The following ZFR variants were observed in gnomAD, a reference collection of about 807,000 sequenced individuals.
The protein encoded by ZFR is zinc finger RNA-binding protein.
ZFR carries 19 observed loss-of-function variants against 130.7 expected under a neutral mutation model. The ratio of observed to expected loss-of-function variants is 0.15; its 90% CI spans 0.10 to 0.21. The LOEUF (loss-of-function observed/expected upper bound fraction) is 0.21. Among genes scored for constraint, ZFR ranks in the 10% least tolerant of loss-of-function variants. The pLI is 1.00. For synonymous variants in ZFR, 466 were observed against 456.9 expected (o/e 1.02, Z -0.25); for missense variants, 872 against 1,321.5 (o/e 0.66, Z 5.27).
chr5:32,356,897 T>C (rs985311150), intron 19 of ZFR, among the ~76,000 whole-genome samples: 2 of 152,216 alleles, frequency 1.3e-5, no homozygotes, highest in African/African-American at 4.8e-5. Flanking sequence ...ATATATCCAC[T>C]AGTAATATGT....
chr5:32,441,120 C>T (rs1259322452), intron 2 of ZFR, among the ~76,000 whole-genome samples: 1 of 152,080 alleles, frequency 6.6e-6, no homozygotes, highest in Admixed American at 6.6e-5. Context: ...ATTACAGGTG[C>T]CCGCCACCAT....
chr5:32,394,854 A>G (rs1161692989), intron 11 of ZFR, among the ~76,000 whole-genome samples: 4 of 152,184 alleles, frequency 2.6e-5, no homozygotes, highest in African/African-American at 9.7e-5. Context: ...CAGGAAATGT[A>G]TGTCTATTTT....
chr5:32,383,583 A>C (rs1752978742), intron 15 of ZFR, among the ~76,000 whole-genome samples: 1 of 152,224 alleles, frequency 6.6e-6, no homozygotes, highest in Non-Finnish European at 1.5e-5. Context: ...ATTAAAAAGG[A>C]CCATTATGCA....
intron 12 of ZFR, among the ~76,000 whole-genome samples, chr5:32,389,132 A>T (rs1219498778): frequency 6.6e-6 from 1 of 152,190 alleles, no homozygotes; most frequent in African/African-American, 2.4e-5. Context: ...CTTACACAAG[A>T]TGTCCCTTTT....
Position 32,406,758 on chromosome 5 carries a change from C to T in ZFR, c.1032+16G>A. ...TAACCACTGAAGACTCAAGGTAAAA[C>T]ATACAACGTAAGTACCTGTGGTCCA... On this transcript the variant is annotated intron_variant, in intron 6 of 19. Coordinates refer to ENST00000265069, the MANE Select transcript of ZFR (RefSeq NM_016107.5). The T allele has an allele frequency of 6.3e-7, 1 of 1,599,910 alleles. No homozygotes were observed. The highest frequency in any genetic ancestry group is 1.1e-5 in the South Asian group (1 of 87,964).
At chr5:32,415,358 G>C (rs1295040787) in intron 4 of ZFR, among the ~76,000 whole-genome samples, 171 bp from the exon 5 acceptor site, 2 of 152,064 alleles carry the variant, frequency 1.3e-5, no homozygotes, top group South Asian at 2.1e-4. Context: ...AATATGAATA[G>C]AATATACAAA....
intron 10 of ZFR, among the ~76,000 whole-genome samples, chr5:32,395,915 T>C (rs1035521910): frequency 6.6e-6 from 1 of 152,158 alleles, no homozygotes; most frequent in Non-Finnish European, 1.5e-5. Context: ...CTTCTGGTCA[T>C]TAGTAGGCTT....
chr5:32,419,759 A>C, intron 3 of ZFR, 62 bp downstream of exon 3: 1 of 1,524,270 alleles, frequency 6.6e-7, no homozygotes, highest in Non-Finnish European at 8.8e-7. Context: ...AGGGCATTAC[A>C]TTATACACTG....
chr5:32,415,499 TGTGTGTGTGTGTGTGTGCGC>T (rs1446925568), intron 4 of ZFR, among the ~76,000 whole-genome samples: 36 of 102,496 alleles, frequency 3.5e-4, no homozygotes, highest in African/African-American at 1.4e-3. Flanking sequence ...TGTGTGTGTG[TGTGTGTGTGTGTGTGTGCGC>T]GCGCGCGCGC....
chr5:32,426,542 T>C (rs953773430), intron 2 of ZFR, among the ~76,000 whole-genome samples: 4 of 152,214 alleles, frequency 2.6e-5, no homozygotes, highest in African/African-American at 9.7e-5. Flanking sequence ...CTGCATGCTT[T>C]TACTGCTTCT....
chr5:32,412,168 C>A (rs1753728885), intron 5 of ZFR, among the ~76,000 whole-genome samples: 1 of 152,136 alleles, frequency 6.6e-6, no homozygotes, highest in Admixed American at 6.5e-5. Flanking sequence ...AAAAAGGTAT[C>A]TTTATAATGG....
At chr5:32,428,636 T>C (rs935575843) in intron 2 of ZFR, among the ~76,000 whole-genome samples, 1 of 152,168 alleles carries the variant, frequency 6.6e-6, no homozygotes, top group Non-Finnish European at 1.5e-5. Context: ...ACAAATACCT[T>C]TTATGAGGCA....
intron 19 of ZFR, among the ~76,000 whole-genome samples, chr5:32,360,723 C>T (rs1348178751): frequency 6.6e-6 from 1 of 152,144 alleles, no homozygotes; most frequent in Admixed American, 6.5e-5. Context: ...TACAGCAATC[C>T]ATGTTTAACT....
chr5:32,427,932 A>T (rs927013167), intron 2 of ZFR, among the ~76,000 whole-genome samples: 3 of 152,216 alleles, frequency 2.0e-5, no homozygotes, highest in African/African-American at 7.2e-5. Flanking sequence ...AAAAAGCTGG[A>T]GCTTCACCTT....
chr5:32,439,555 C>T (rs1754413457), intron 2 of ZFR, among the ~76,000 whole-genome samples: 1 of 152,144 alleles, frequency 6.6e-6, no homozygotes, highest in Non-Finnish European at 1.5e-5. Context: ...TTTTGACTGG[C>T]AGATGCTTAA....
At chr5:32,359,689 G>A (rs1330121523) in intron 19 of ZFR, among the ~76,000 whole-genome samples, 2 of 152,160 alleles carry the variant, frequency 1.3e-5, no homozygotes, top group African/African-American at 2.4e-5. Flanking sequence ...GGTGGCTCAC[G>A]CCTGTAATCC....
At chr5:32,389,981 T>A (rs911639659) in intron 12 of ZFR, among the ~76,000 whole-genome samples, 3 of 152,138 alleles carry the variant, frequency 2.0e-5, no homozygotes, top group African/African-American at 7.2e-5. Flanking sequence ...CGAAACTCTA[T>A]CTCTACTAAT....
intron 16 of ZFR, chr5:32,379,782 C>T (rs1349794180): frequency 3.9e-6 from 1 of 258,324 alleles, no homozygotes; most frequent in Admixed American, 4.8e-5. Context: ...TATATATACA[C>T]AAACATGTGA....
At chr5:32,375,810 T>C (rs1054921339) in intron 17 of ZFR, among the ~76,000 whole-genome samples, 2 of 149,600 alleles carry the variant, frequency 1.3e-5, no homozygotes, top group African/African-American at 2.5e-5. Context: ...CCATGACCGG[T>C]TGATCTTTCA....
Sources: allele counts gnomAD v4.1 joint callset (sites outside exome capture counted in the v4.1 genomes callset), GRCh38; gene constraint gnomAD v4.1.1; transcripts MANE v1.5; gene names NCBI Gene and HGNC (gene_info 2026-07-23, HGNC 2026-07-21).